CCDC13: variants seen among roughly 807,000 people sequenced by gnomAD.
CCDC13 encodes the protein coiled-coil domain containing 13.
CCDC13 carries 70 observed loss-of-function variants against 87.3 expected under a neutral mutation model. The ratio of observed to expected loss-of-function variants is 0.80; its 90% confidence interval spans 0.66 to 0.98. CCDC13 has a LOEUF of 0.98. CCDC13 is among the 50% of genes least tolerant of loss of function. The probability of loss-of-function intolerance (pLI) is 0.00; values close to 1 mark genes in which losing one functional copy is unlikely to be tolerated. For synonymous variants in CCDC13, 317 were observed against 360.3 expected (o/e 0.88, Z 1.36); for missense variants, 842 against 892.0 (o/e 0.94, Z 0.71).
chr3:42,718,458 A>G (rs1698483212), intron 13 of CCDC13, among the ~76,000 whole-genome samples: 1 of 152,334 alleles, frequency 6.6e-6, no homozygotes, highest in African/African-American at 2.4e-5. Flanking sequence ...TCTGTGGAGT[A>G]GCCATTCTTT....
intron 13 of CCDC13, among the ~76,000 whole-genome samples, chr3:42,722,802 T>G (rs1211962589): frequency 2.1e-5 from 3 of 145,282 alleles, no homozygotes; most frequent in Non-Finnish European, 4.5e-5. Flanking sequence ...TTTTTTTTTT[T>G]TTTTTTTTTT....
Position 42,728,708 on chromosome 3 carries a change from C to A in CCDC13, c.1718+1759G>T, listed in dbSNP as rs114718728. ...CTGGGTTCCCTTTTCTTGTTACAGCCCAGGGACTTAGCAATAACCTCAAGG... is the reference window on the plus strand; with the variant it reads ...CTGGGTTCCCTTTTCTTGTTACAGCACAGGGACTTAGCAATAACCTCAAGG... On this transcript the variant is annotated intron_variant, in intron 13 of 15. Coordinates refer to ENST00000310232, the MANE Select transcript of CCDC13 (RefSeq NM_144719.4). 5.7e-3 allele frequency among the ~76,000 whole-genome samples: 863 copies of A among 152,100 alleles called. 13 individuals are homozygous for A. Among genetic ancestry groups the A allele is most frequent in the South Asian group, 0.024 (117 of 4,812 alleles).
Position 42,709,718 on chromosome 3 carries a change from G to T in CCDC13, c.1954C>A (p.Pro652Thr). 1 of 1,614,148 alleles carries T rather than the reference G, an allele frequency of 6.2e-7. No individual in the cohort carries two copies. Among genetic ancestry groups the T allele is most frequent in the Non-Finnish European group, 8.5e-7 (1 of 1,179,998 alleles). ...DPSFAQLSDV[P>T]VESQMEELTT... ...AGCTCTTCCATTTGGGATTCCACGGGCACATCGGAGAGCTGGGCAAAGGAT... is the reference window on the plus strand; with the variant it reads ...AGCTCTTCCATTTGGGATTCCACGGTCACATCGGAGAGCTGGGCAAAGGAT... Residue 652 changes from proline (P) to threonine (T), a missense_variant, in exon 15 of 16, where the codon CCC (proline) becomes ACC (threonine). Pro to Thr is a conservative substitution (Grantham distance 38, BLOSUM62 -1). Transcript: ENST00000310232.
chr3:42,756,238 G>T (rs552781321), intron 3 of CCDC13, among the ~76,000 whole-genome samples: 2 of 152,204 alleles, frequency 1.3e-5, no homozygotes, highest in Admixed American at 1.3e-4. Flanking sequence ...TTAGCCATCT[G>T]CGAATTGCTC....
chr3:42,764,940 A>G (rs893484950), intron 1 of CCDC13, among the ~76,000 whole-genome samples: 3 of 152,230 alleles, frequency 2.0e-5, no homozygotes, highest in Non-Finnish European at 4.4e-5. Context: ...TTCATTTGCT[A>G]AATCTCAACA....
At chr3:42,725,813 C>T (rs1698672988) in intron 13 of CCDC13, among the ~76,000 whole-genome samples, 1 of 151,880 alleles carries the variant, frequency 6.6e-6, no homozygotes, top group African/African-American at 2.4e-5. Flanking sequence ...AGAACTCCTA[C>T]AAGGAAAAAA....
chr3:42,730,433 C>T (rs1698796953), intron 13 of CCDC13, 34 bp downstream of exon 13: 3 of 1,606,738 alleles, frequency 1.9e-6, no homozygotes, highest in Non-Finnish European at 2.6e-6. Flanking sequence ...CACATGCAGG[C>T]CTATGGGAGA....
At position 42,747,368 on chromosome 3, in the gene CCDC13, C is replaced by T. The variant is rs1267624651; in HGVS notation, c.609G>A (p.Glu203=). The T allele has an allele frequency of 1.2e-5, 20 of 1,612,168 alleles. No individual in the cohort carries two copies. In the Admixed American group the frequency reaches 3.3e-4, roughly 27 times the overall value. Reference sequence around the variant, plus strand: ...CCTGCAGGGCCTTCACCTCTGGGGTCTCCAGCTGGTTGGGAAGGACAGGAG... The same window carrying T: ...CCTGCAGGGCCTTCACCTCTGGGGTTTCCAGCTGGTTGGGAAGGACAGGAG... The part of the protein sequence containing the change: ...RAQMGDRALL[E]TPEVKALQDR... The change falls in exon 6 of 16, where the codon GAG becomes GAA. Residue 203 remains glutamate (E), a synonymous_variant. Coordinates refer to ENST00000310232, the MANE Select transcript of CCDC13 (RefSeq NM_144719.4).
chr3:42,756,953 C>A, intron 3 of CCDC13, 113 bp downstream of exon 3: 1 of 1,090,072 alleles, frequency 9.2e-7, no homozygotes, highest in Non-Finnish European at 1.3e-6. Context: ...CAAGCTTGAT[C>A]ACAACTGACC....
chr3:42,707,372 C>G lies in CCDC13; in HGVS notation c.*1608G>C, dbSNP rs1698202112. Among the ~76,000 whole-genome samples, 1 of 152,182 alleles carries G rather than the reference C, an allele frequency of 6.6e-6. No homozygotes were observed. The highest frequency in any genetic ancestry group is 6.5e-5 in the Admixed American group (1 of 15,284). On this transcript the variant is annotated 3_prime_UTR_variant, in exon 16 of 16. Coordinates refer to ENST00000310232, the MANE Select transcript of CCDC13 (RefSeq NM_144719.4). ...ACCCTTAGGACCCCACCAGAATCAT[C>G]AGTTCATCCCGGTGGCCTTTGCTCT...
intron 5 of CCDC13, among the ~76,000 whole-genome samples, chr3:42,748,399 G>A (rs1699478091): frequency 6.6e-6 from 1 of 152,240 alleles, no homozygotes; most frequent in South Asian, 2.1e-4. Context: ...CAGGAACGTT[G>A]GTTGTCAGGC....
intron 12 of CCDC13, 26 bp from the exon 13 acceptor site, chr3:42,730,615 G>A (rs765039820): frequency 3.7e-6 from 6 of 1,610,660 alleles, no homozygotes; most frequent in Non-Finnish European, 5.1e-6. Context: ...AGGGCAGAGG[G>A]CAGAGGTCAT....
chr3:42,762,466 G>A (rs922343693), intron 1 of CCDC13, among the ~76,000 whole-genome samples: 11 of 152,136 alleles, frequency 7.2e-5, no homozygotes, highest in Non-Finnish European at 1.6e-4. Flanking sequence ...CCAGGTGCAG[G>A]GTAGGCTGGA....
In CCDC13 at chr3:42,705,763, C is replaced by T. The variant is rs1165850070; in HGVS notation, c.*3217G>A. 2.0e-5 allele frequency among the ~76,000 whole-genome samples: 3 copies of T among 152,204 alleles called. No individual in the cohort carries two copies. The East Asian group carries it at 5.8e-4, about 29-fold the overall frequency. ...AGGCACTGGTACTAACCTGGACAGA[C>T]CAGCTGCCTGGCTGTGCACCTGGCC... On this transcript the variant is annotated 3_prime_UTR_variant, in exon 16 of 16. Coordinates refer to ENST00000310232, the MANE Select transcript of CCDC13 (RefSeq NM_144719.4).
At position 42,752,858 on chromosome 3, in the gene CCDC13, G is replaced by C. The variant is rs966240357; in HGVS notation, c.371-141C>G. 3.6e-5 allele frequency: 35 copies of C among 973,528 alleles called. No individual in the cohort carries two copies. The Admixed American group carries it at 8.2e-4, about 23-fold the overall frequency. The allele number at this position is 973,528 out of a possible 1,614,324, so 60.3% of individuals were successfully genotyped here. A position where few individuals can be genotyped will look rare whatever the true frequency, so the allele number is the denominator to read the frequency against. The stretch of plus-strand genomic sequence containing the variant: ...CATAAAGGGGCACTAACTTAGGAGG[G>C]TCACCATATACCTAGCAGCCCTGGG... On this transcript the variant is annotated intron_variant, in intron 3 of 15. Coordinates refer to ENST00000310232, the MANE Select transcript of CCDC13 (RefSeq NM_144719.4).
chr3:42,733,876 G>A (rs1223043960), intron 10 of CCDC13, among the ~76,000 whole-genome samples: 2 of 152,224 alleles, frequency 1.3e-5, no homozygotes, highest in Non-Finnish European at 2.9e-5. Context: ...AGAGGGAGGT[G>A]CACGGCCCTG....
intron 9 of CCDC13, among the ~76,000 whole-genome samples, chr3:42,736,943 T>G (rs115069801): frequency 0.018 from 2,777 of 152,294 alleles, 73 homozygotes; most frequent in African/African-American, 0.063. Flanking sequence ...ACATAAGTTG[T>G]AGGGTACATG....
intron 5 of CCDC13, among the ~76,000 whole-genome samples, chr3:42,749,617 G>C (rs1699519101): frequency 6.6e-6 from 1 of 152,192 alleles, no homozygotes; most frequent in South Asian, 2.1e-4. Flanking sequence ...GGCTGGATCA[G>C]GCCCCGTCCT....
At chr3:42,711,902 G>T (rs958395244) in intron 14 of CCDC13, among the ~76,000 whole-genome samples, 1 of 152,164 alleles carries the variant, frequency 6.6e-6, no homozygotes, top group Admixed American at 6.5e-5. Flanking sequence ...CTGTGGCTTA[G>T]CTCTCCCTGG....
Sources: allele counts gnomAD v4.1 joint callset (sites outside exome capture counted in the v4.1 genomes callset), GRCh38; gene constraint gnomAD v4.1.1; transcripts MANE v1.5; gene names NCBI Gene and HGNC (gene_info 2026-07-23, HGNC 2026-07-21).